TEX11: variants seen among roughly 807,000 people sequenced by gnomAD.
TEX11 encodes testis expressed 11, also known as testis-expressed protein 11.
Under a neutral mutation model 84.4 loss-of-function variants are expected in TEX11, and 7 were observed. The observed-to-expected ratio is 0.08, with a 90% confidence interval of 0.05 to 0.16. TEX11 has a LOEUF of 0.16. TEX11 is among the 10% of genes least tolerant of loss of function. TEX11 has a pLI of 1.00. For synonymous variants in TEX11, 264 were observed against 222.8 expected (o/e 1.18, Z -1.64); for missense variants, 551 against 660.5 (o/e 0.83, Z 1.82).
At chrX:70,812,575 G>GTTTTCC (rs2091263100) in intron 8 of TEX11, among the ~76,000 whole-genome samples, 1 of 110,861 alleles carries the variant, frequency 9.0e-6, no homozygotes, top group African/African-American at 3.3e-5. Context: ...TGGCTGGCCA[G>GTTTTCC]TTTTCCCAGC....
At chrX:70,836,109 C>A (rs866128712) in intron 7 of TEX11, among the ~76,000 whole-genome samples, 332 of 73,569 alleles carry the variant, frequency 4.5e-3, no homozygotes, top group Non-Finnish European at 5.3e-3. Context: ...GACTCTGTCT[C>A]AAAAAAAAAA....
chrX:70,608,843 A>G (rs938060894), intron 22 of TEX11, among the ~76,000 whole-genome samples: 1 of 111,597 alleles, frequency 9.0e-6, no homozygotes, highest in Non-Finnish European at 1.9e-5. Context: ...ACCCATTTCT[A>G]TAGAAAAGGG....
chrX:70,757,272 C>A (rs778818277), intron 9 of TEX11, among the ~76,000 whole-genome samples: 1 of 111,103 alleles, frequency 9.0e-6, no homozygotes, highest in Non-Finnish European at 1.9e-5. Context: ...ACAGAGAATA[C>A]CACAAAGATA....
At chrX:70,907,904 C>A in intron 1 of TEX11, 94 bp from the exon 2 acceptor site, 1 of 583,910 alleles carries the variant, frequency 1.7e-6, no homozygotes, top group African/African-American at 2.3e-5. Context: ...ACTTGTTATC[C>A]AAAGGGAGAA....
chrX:70,592,243 CT>C (rs2088942245), intron 24 of TEX11, among the ~76,000 whole-genome samples: 2 of 111,372 alleles, frequency 1.8e-5, no homozygotes, highest in South Asian at 7.6e-4. Flanking sequence ...AGGAAATCTA[CT>C]AAGTCTTAGT....
intron 15 of TEX11, among the ~76,000 whole-genome samples, chrX:70,678,020 G>A (rs1032404659): frequency 1.3e-4 from 14 of 109,046 alleles, no homozygotes; most frequent in Admixed American, 8.8e-4. Context: ...CACCATGTTA[G>A]CCAGGATGTT....
At chrX:70,720,850 T>C (rs938533240) in intron 13 of TEX11, among the ~76,000 whole-genome samples, 1 of 108,999 alleles carries the variant, frequency 9.2e-6, no homozygotes, top group Admixed American at 1.0e-4. Flanking sequence ...AATTCAACTA[T>C]ATGCAACACA....
intron 16 of TEX11, among the ~76,000 whole-genome samples, chrX:70,657,973 C>T (rs1394418711): frequency 1.0e-5 from 1 of 99,177 alleles, no homozygotes; most frequent in East Asian, 3.4e-4. Context: ...ATACCTAATG[C>T]TAAATGACGA....
At chrX:70,860,693 G>A (rs895590680) in intron 5 of TEX11, among the ~76,000 whole-genome samples, 164 bp downstream of exon 5, 6 of 111,627 alleles carry the variant, frequency 5.4e-5, no homozygotes, top group African/African-American at 1.6e-4. Flanking sequence ...GAACTTTAGC[G>A]TAGTAAATAT....
At chrX:70,630,531 T>C (rs1409673234) in intron 17 of TEX11, among the ~76,000 whole-genome samples, 1 of 110,498 alleles carries the variant, frequency 9.0e-6, no homozygotes, top group African/African-American at 3.3e-5. Context: ...AAATATTTGT[T>C]CAAACTAATA....
At chrX:70,618,947 T>C (rs2089350218) in intron 20 of TEX11, among the ~76,000 whole-genome samples, 1 of 110,875 alleles carries the variant, frequency 9.0e-6, no homozygotes, top group African/African-American at 3.3e-5. Flanking sequence ...CTTCACAAGC[T>C]CACACTCAAT....
chrX:70,819,318 C>A (rs2091306281), intron 8 of TEX11, among the ~76,000 whole-genome samples: 1 of 111,648 alleles, frequency 9.0e-6, no homozygotes, highest in Non-Finnish European at 1.9e-5. Context: ...ACTATATTAA[C>A]AAAATGAAAG....
intron 15 of TEX11, among the ~76,000 whole-genome samples, chrX:70,672,701 A>T (rs2090036417): frequency 9.0e-6 from 1 of 111,688 alleles, no homozygotes; most frequent in Non-Finnish European, 1.9e-5. Context: ...TTCTTTGTAC[A>T]TTGAGTTTAG....
intron 4 of TEX11, among the ~76,000 whole-genome samples, chrX:70,861,510 G>A (rs1221694764): frequency 9.1e-6 from 1 of 110,102 alleles, no homozygotes; most frequent in Non-Finnish European, 1.9e-5. Context: ...TGTCGCCCAG[G>A]ATGGAGTGCA....
chrX:70,658,238 T>C (rs1447548833), intron 16 of TEX11, among the ~76,000 whole-genome samples: 3 of 110,405 alleles, frequency 2.7e-5, no homozygotes, highest in African/African-American at 9.9e-5. Flanking sequence ...GCCAACATGG[T>C]GAAACCTCAT....
At chrX:70,581,661 T>C (rs1044916719) in intron 25 of TEX11, among the ~76,000 whole-genome samples, 1 of 111,565 alleles carries the variant, frequency 9.0e-6, no homozygotes, top group South Asian at 3.8e-4. Flanking sequence ...GTCATGTTAA[T>C]GGTTGTGTTC....
At chrX:70,725,803 T>G (rs1437061285) in intron 11 of TEX11, among the ~76,000 whole-genome samples, 1 of 112,164 alleles carries the variant, frequency 8.9e-6, no homozygotes, top group Non-Finnish European at 1.9e-5. Context: ...CATTGTTAGT[T>G]GGCCCTAAGC....
Position 70,588,200 on chromosome X carries a change from G to A in TEX11, c.2140+3551C>T, listed in dbSNP as rs770148488. On this transcript the variant is annotated intron_variant, in intron 25 of 29. Transcript: ENST00000374333. ...GAATTAAGACTTTGGGGGACTGTTG[G>A]GAAGGCATGATTGGTTTTGAAATGT... is the stretch of plus-strand genomic sequence containing the variant. Among the ~76,000 whole-genome samples the A allele has an allele frequency of 2.7e-5, 3 of 111,968 alleles. No individual in the cohort carries two copies. In the East Asian group the frequency reaches 8.4e-4, roughly 32 times the overall value.
At chrX:70,698,841 C>T (rs2090303293) in intron 13 of TEX11, among the ~76,000 whole-genome samples, 1 of 111,523 alleles carries the variant, frequency 9.0e-6, no homozygotes, top group Non-Finnish European at 1.9e-5. Context: ...AACTAATTTC[C>T]TACTTTGCAT....
Sources: gnomAD v4.1 joint callset for allele counts (sites outside exome capture counted in the v4.1 genomes callset) on GRCh38, gnomAD v4.1.1 for gene constraint, MANE v1.5 for transcripts, NCBI Gene and HGNC (gene_info 2026-07-23, HGNC 2026-07-21) for gene names.